SPINK5: variants seen among roughly 807,000 people sequenced by gnomAD.
SPINK5 encodes the protein serine peptidase inhibitor Kazal type 5.
SPINK5 carries 125 observed loss-of-function variants against 151.8 expected under a neutral mutation model. That is an observed-to-expected ratio of 0.82 (90% CI 0.71 to 0.96). The LOEUF (loss-of-function observed/expected upper bound fraction) is 0.96, where lower values mean the gene tolerates loss of function less well. SPINK5 is among the 40% of genes least tolerant of loss of function. The probability of loss-of-function intolerance (pLI) is 0.00; values close to 1 mark genes in which losing one functional copy is unlikely to be tolerated. For synonymous variants in SPINK5, 374 were observed against 395.3 expected, an observed-to-expected ratio of 0.95 and a Z score of 0.64; for missense variants, 1,194 against 1,291.9, an observed-to-expected ratio of 0.92 and a Z score of 1.16.
intron 17 of SPINK5, among the ~76,000 whole-genome samples, chr5:148,107,832 G>A (rs1183530737): frequency 6.6e-6 from 1 of 152,120 alleles, no homozygotes; most frequent in Non-Finnish European, 1.5e-5. Flanking sequence ...ACAATATAGA[G>A]GTTAATTATT....
intron 10 of SPINK5, among the ~76,000 whole-genome samples, chr5:148,096,964 G>A (rs1477211338): frequency 1.3e-5 from 2 of 151,066 alleles, no homozygotes; most frequent in Admixed American, 6.6e-5. Flanking sequence ...TCAGTCCTAG[G>A]TTACCAAGTC....
At chr5:148,092,509 C>T (rs1424424358) in intron 8 of SPINK5, among the ~76,000 whole-genome samples, 2 of 151,758 alleles carry the variant, frequency 1.3e-5, no homozygotes, top group Admixed American at 6.6e-5. Context: ...TTCCCTCTTC[C>T]TCTCTGTGGC....
At chr5:148,127,229 C>A (rs747468505) in intron 30 of SPINK5, 150 bp downstream of exon 30, 2 of 647,008 alleles carry the variant, frequency 3.1e-6, no homozygotes, top group Non-Finnish European at 2.7e-6. Flanking sequence ...GCAGTTTATG[C>A]TTGGTGAGAG....
At chr5:148,121,143 CAAAAA>C (rs767012594) in intron 26 of SPINK5, among the ~76,000 whole-genome samples, 18 of 68,668 alleles carry the variant, frequency 2.6e-4, no homozygotes, top group South Asian at 1.6e-3. Flanking sequence ...GACTCTGTCT[CAAAAA>C]AAAAAAAAAA....
At chr5:148,067,608 G>A (rs926893551) in intron 2 of SPINK5, among the ~76,000 whole-genome samples, 2 of 152,220 alleles carry the variant, frequency 1.3e-5, no homozygotes, top group South Asian at 2.1e-4. Flanking sequence ...CAGAAAAATA[G>A]CATTGAATCT....
At position 148,120,059 on chromosome 5, in the gene SPINK5, C is replaced by T. The variant is rs767931984; in HGVS notation, c.2364C>T (p.Cys788=). The T allele has an allele frequency of 6.2e-7, 1 of 1,613,922 alleles. No individual in the cohort carries two copies. Among genetic ancestry groups the T allele is most frequent in the South Asian group, 1.1e-5 (1 of 91,078 alleles). The change falls in exon 25 of 33, where the codon TGC becomes TGT. Residue 788 remains cysteine, a synonymous_variant. Coordinates refer to ENST00000256084, the MANE Select transcript of SPINK5 (RefSeq NM_006846.4). ...AAATGAAAAATGGAAAACTCATCTG[C>T]ACTCGAGAAAGTGACCCTGTCCGGG... ...RSQMKNGKLI[C]TRESDPVRGP...
At chr5:148,076,888 T>G (rs1188523502) in intron 4 of SPINK5, among the ~76,000 whole-genome samples, 1 of 151,328 alleles carries the variant, frequency 6.6e-6, no homozygotes, top group Non-Finnish European at 1.5e-5. Context: ...ATTACCAAAC[T>G]TGAGGAAAGC....
intron 30 of SPINK5, among the ~76,000 whole-genome samples, chr5:148,127,788 G>A (rs980082888): frequency 6.6e-6 from 1 of 152,138 alleles, no homozygotes; most frequent in Admixed American, 6.5e-5. Flanking sequence ...AGCCCAGGTG[G>A]TCGAGGCTAC....
intron 7 of SPINK5, chr5:148,090,948 A>G (rs2113074762): frequency 1.8e-6 from 1 of 560,458 alleles, no homozygotes; most frequent in Non-Finnish European, 3.2e-6. Context: ...ATTTACAGAA[A>G]GCAAGTTTCC....
chr5:148,126,901 T>G, intron 29 of SPINK5, 82 bp from the exon 30 acceptor site: 4 of 1,229,256 alleles, frequency 3.3e-6, no homozygotes, highest in Non-Finnish European at 2.3e-6. Flanking sequence ...CTCTGTCACA[T>G]TTTATGAGGA....
At chr5:148,086,649 C>T in intron 5 of SPINK5, 117 bp downstream of exon 5, 1 of 1,317,928 alleles carries the variant, frequency 7.6e-7, no homozygotes, top group Admixed American at 2.0e-5. Context: ...TTAGCCATTC[C>T]TAAATTATTA....
intron 26 of SPINK5, among the ~76,000 whole-genome samples, chr5:148,121,166 AAGG>A (rs1440930225): frequency 2.0e-5 from 3 of 150,144 alleles, no homozygotes; most frequent in African/African-American, 7.3e-5. Flanking sequence ...AAAAAAAAAA[AAGG>A]AAAAGAAAAA....
chr5:148,130,691 G>T (rs145060578), intron 30 of SPINK5, among the ~76,000 whole-genome samples: 1 of 152,086 alleles, frequency 6.6e-6, no homozygotes, highest in African/African-American at 2.4e-5. Context: ...CAGATACTGC[G>T]TTAAGCATGA....
chr5:148,131,489 C>A, intron 31 of SPINK5, 100 bp downstream of exon 31: 1 of 1,520,382 alleles, frequency 6.6e-7, no homozygotes, highest in Non-Finnish European at 9.1e-7. Context: ...AAATGTGTTG[C>A]AAGTAATTTA....
chr5:148,090,990 C>T, intron 7 of SPINK5, 175 bp from the exon 8 acceptor site: 2 of 606,014 alleles, frequency 3.3e-6, no homozygotes, highest in Non-Finnish European at 5.8e-6. Flanking sequence ...TCTTTCTTTC[C>T]TTATCTTTGG....
chr5:148,126,427 C>T (rs6872218), intron 29 of SPINK5, among the ~76,000 whole-genome samples: 120,763 of 152,060 alleles, frequency 0.79, 48,042 homozygotes, highest in East Asian at 0.91. Flanking sequence ...AATACTACTC[C>T]CATTTTATGT....
At chr5:148,090,476 C>T (rs1753280086) in intron 7 of SPINK5, among the ~76,000 whole-genome samples, 1 of 151,230 alleles carries the variant, frequency 6.6e-6, no homozygotes. Flanking sequence ...CAAATCTGCC[C>T]TAATTCTGTA....
chr5:148,101,047 C>T (rs186105017), intron 13 of SPINK5, among the ~76,000 whole-genome samples: 25 of 152,200 alleles, frequency 1.6e-4, no homozygotes, highest in African/African-American at 5.5e-4. Context: ...ATTAGAGATA[C>T]AGTAATGAGC....
Position 148,131,254 on chromosome 5 carries a change from T to G in SPINK5, c.2965-5T>G. ...GTACGTCTGCTTTATTTTTTGCTTC[T>G]TCAGGATTCTGAGATGTGCAAAGAC... On this transcript the variant is annotated splice_region_variant and splice_polypyrimidine_tract_variant and intron_variant, in intron 30 of 32. Coordinates refer to ENST00000256084, the MANE Select transcript of SPINK5 (RefSeq NM_006846.4). 6.2e-7 allele frequency: 1 copy of G among 1,613,744 alleles called. No homozygotes were observed.
Sources: gnomAD v4.1 joint callset for allele counts (sites outside exome capture counted in the v4.1 genomes callset) on GRCh38, gnomAD v4.1.1 for gene constraint, MANE v1.5 for transcripts, NCBI Gene and HGNC (gene_info 2026-07-23, HGNC 2026-07-21) for gene names.